ZNF121: variants seen among roughly 807,000 people sequenced by gnomAD.
The protein encoded by ZNF121 is zinc finger protein 121 (clone ZHC32).
Under a neutral mutation model 2.4 loss-of-function variants are expected in ZNF121, and 1 was observed. The ratio of observed to expected loss-of-function variants is 0.41; its 90% CI spans 0.15 to 1.94. ZNF121 has a LOEUF of 1.94. Ranked by LOEUF, ZNF121 falls within the 30% of genes most tolerant of loss-of-function variation. The pLI is 0.30. For synonymous variants in ZNF121, 173 were observed against 158.6 expected (o/e 1.09, Z -0.68); for missense variants, 369 against 466.3 (o/e 0.79, Z 1.92).
At chr19:9,583,277 G>C (rs1285802776) in intron 1 of ZNF121, among the ~76,000 whole-genome samples, 4 of 151,492 alleles carry the variant, frequency 2.6e-5, no homozygotes, top group Non-Finnish European at 5.9e-5. Flanking sequence ...AGCTCTGTGG[G>C]GGGGTACAGA....
chr19:9,579,483 G>A lies in ZNF121; in HGVS notation c.-160+4978C>T, dbSNP rs544395118. Among the ~76,000 whole-genome samples, 14 of 152,280 alleles carry A rather than the reference G, an allele frequency of 9.2e-5. No homozygotes were observed. In the South Asian group the frequency reaches 1.7e-3, roughly 18 times the overall value. On this transcript the variant is annotated intron_variant, in intron 1 of 3. Transcript: ENST00000320451. ...GTGAATCACTTGAGGTCAGGAGTTC[G>A]AGACCAGCCTGGCCAACATGGCGAA...
chr19:9,565,027 T>C lies in ZNF121; in HGVS notation c.*913A>G, dbSNP rs2074120229. 6.6e-6 allele frequency: 1 copy of C among 152,146 alleles called. No homozygotes were observed. The highest frequency in any genetic ancestry group is 1.5e-5 in the Non-Finnish European group (1 of 68,036). The allele number at this position is 152,146 out of a possible 1,614,324, so 9.4% of individuals were successfully genotyped here. A position where few individuals can be genotyped will look rare whatever the true frequency, so the allele number is the denominator to read the frequency against. On this transcript the variant is annotated 3_prime_UTR_variant, in exon 4 of 4. Coordinates refer to ENST00000320451, the MANE Select transcript of ZNF121 (RefSeq NM_001008727.5). ...GTACTTTACTTAGACATAACACAAC[T>C]GCACACAAGAGACTACCATATGATG...
chr19:9,565,864 G>A lies in ZNF121; in HGVS notation c.*76C>T. On this transcript the variant is annotated 3_prime_UTR_variant, in exon 4 of 4. Coordinates refer to ENST00000320451, the MANE Select transcript of ZNF121 (RefSeq NM_001008727.5). ...TGTACCAATAAAATTTCTCTTCAGTGTGAATTCAAATGTGGTAATTATGGT... is the reference window on the plus strand; with the variant it reads ...TGTACCAATAAAATTTCTCTTCAGTATGAATTCAAATGTGGTAATTATGGT... The A allele has an allele frequency of 1.7e-6, 2 of 1,193,966 alleles. No individual in the cohort carries two copies. The highest frequency in any genetic ancestry group is 2.3e-6 in the Non-Finnish European group (2 of 869,262). 74.0% of individuals were successfully genotyped at this position (1,193,966 alleles called of 1,614,324 possible). A position where few individuals can be genotyped will look rare whatever the true frequency, so the allele number is the denominator to read the frequency against.
At position 9,565,866 on chromosome 19, in the gene ZNF121, G is replaced by C; in HGVS notation, c.*74C>G. ...TACCAATAAAATTTCTCTTCAGTGT[G>C]AATTCAAATGTGGTAATTATGGTAT... On this transcript the variant is annotated 3_prime_UTR_variant, in exon 4 of 4. Coordinates refer to ENST00000320451, the MANE Select transcript of ZNF121 (RefSeq NM_001008727.5). The C allele has an allele frequency of 8.3e-7, 1 of 1,210,114 alleles. No individual in the cohort carries two copies. 75.0% of individuals were successfully genotyped at this position (1,210,114 alleles called of 1,614,324 possible).
chr19:9,575,349 G>A (rs1352903024), intron 1 of ZNF121, among the ~76,000 whole-genome samples: 2 of 152,168 alleles, frequency 1.3e-5, no homozygotes, highest in East Asian at 3.8e-4. Context: ...CTTGAACCCA[G>A]GAAGCGGAGG....
rs939852421 is a variant in ZNF121, at chr19:9,564,319, T to C, written c.*1621A>G. 6.6e-6 allele frequency: 1 copy of C among 152,140 alleles called. No individual in the cohort carries two copies. Among genetic ancestry groups the C allele is most frequent in the African/African-American group, 2.4e-5 (1 of 41,434 alleles). The allele number at this position is 152,140 out of a possible 1,614,324, so 9.4% of individuals were successfully genotyped here. On this transcript the variant is annotated 3_prime_UTR_variant, in exon 4 of 4. Transcript: ENST00000320451. ...AGTTCAAGGCTACAGTGTGCTCTCA[T>C]CGTGCTGGTGAATACCCACTTGTAC...
At chr19:9,578,689 C>G (rs2074228393) in intron 1 of ZNF121, among the ~76,000 whole-genome samples, 1 of 151,992 alleles carries the variant, frequency 6.6e-6, no homozygotes, top group Non-Finnish European at 1.5e-5. Flanking sequence ...TAAACAAAAT[C>G]AAAACAGATT....
chr19:9,580,838 G>A (rs1245487441), intron 1 of ZNF121, among the ~76,000 whole-genome samples: 1 of 152,222 alleles, frequency 6.6e-6, no homozygotes, highest in Admixed American at 6.5e-5. Flanking sequence ...ATGCCCTCTT[G>A]TGCAGATTAA....
chr19:9,575,250 T>C (rs887936589), intron 1 of ZNF121, among the ~76,000 whole-genome samples: 1 of 151,654 alleles, frequency 6.6e-6, no homozygotes, highest in African/African-American at 2.4e-5. Flanking sequence ...TGAAACCCAG[T>C]CTCTACTAAA....
rs546080973 is a variant in ZNF121, at chr19:9,577,024, T to C, written c.-160+7437A>G. The stretch of plus-strand genomic sequence containing the variant: ...TTCACTGCTAAATCCTACCAAAAAC[T>C]GAAAGAATAACAATACAACTCGAAT... On this transcript the variant is annotated intron_variant, in intron 1 of 3. Transcript: ENST00000320451. 7.9e-5 allele frequency among the ~76,000 whole-genome samples: 12 copies of C among 152,104 alleles called. No individual in the cohort carries two copies. In the South Asian group the frequency reaches 2.5e-3, roughly 32 times the overall value.
chr19:9,573,839 T>C (rs1208337812), intron 1 of ZNF121, among the ~76,000 whole-genome samples: 1 of 151,600 alleles, frequency 6.6e-6, no homozygotes, highest in Non-Finnish European at 1.5e-5. Context: ...CAGAAGGGAG[T>C]AGGATGACAT....
chr19:9,570,809 G>A (rs1333974751), intron 1 of ZNF121, among the ~76,000 whole-genome samples: 1 of 152,062 alleles, frequency 6.6e-6, no homozygotes, highest in Non-Finnish European at 1.5e-5. Flanking sequence ...TAGAACTCCT[G>A]GCCTCAGGTG....
rs1484761774 is a variant in ZNF121, at chr19:9,565,946, T to C, written c.1167A>G (p.Thr389=). ...TTACATTCAGAGTTTTTCTTCAGTGTGTTTTTAAATGTTTAGTAAGTAAAT... is the reference window on the plus strand; with the variant it reads ...TTACATTCAGAGTTTTTCTTCAGTGCGTTTTTAAATGTTTAGTAAGTAAAT... The part of the protein sequence containing the change: ...RFYLLTKHLK[T]H Residue 389 remains threonine, a synonymous_variant, in exon 4 of 4, where the codon ACA becomes ACG. Transcript: ENST00000320451. The C allele has an allele frequency of 6.5e-7, 1 of 1,548,118 alleles. No individual in the cohort carries two copies. Among genetic ancestry groups the C allele is most frequent in the Non-Finnish European group, 8.7e-7 (1 of 1,146,944 alleles).
intron 1 of ZNF121, among the ~76,000 whole-genome samples, chr19:9,578,858 T>C (rs890294501): frequency 1.3e-4 from 20 of 151,230 alleles, no homozygotes; most frequent in Middle Eastern, 3.4e-3. Context: ...ACTAAAAACT[T>C]CTCCACAGCA....
At chr19:9,567,216 T>A (rs68092239) in intron 3 of ZNF121, 107 bp from the exon 4 acceptor site, 118,033 of 991,992 alleles carry the variant, frequency 0.12, 9,775 homozygotes, top group African/African-American at 0.39. Flanking sequence ...TTTGCCATTT[T>A]CATTACATGC....
chr19:9,569,475 C>T (rs983578878), intron 1 of ZNF121, among the ~76,000 whole-genome samples: 4 of 151,624 alleles, frequency 2.6e-5, no homozygotes, highest in African/African-American at 7.3e-5. Flanking sequence ...ACCATTAAAA[C>T]GTGTATTCAA....
At chr19:9,581,345 A>C (rs1304130332) in intron 1 of ZNF121, among the ~76,000 whole-genome samples, 1 of 151,574 alleles carries the variant, frequency 6.6e-6, no homozygotes, top group Non-Finnish European at 1.5e-5. Flanking sequence ...CAGGTCGTAC[A>C]ATCTAAACTA....
At chr19:9,582,522 C>T (rs536074495) in intron 1 of ZNF121, among the ~76,000 whole-genome samples, 1 of 152,128 alleles carries the variant, frequency 6.6e-6, no homozygotes, top group South Asian at 2.1e-4. Flanking sequence ...TAAAACTGCC[C>T]GACCCCTATC....
intron 1 of ZNF121, among the ~76,000 whole-genome samples, chr19:9,577,345 G>A (rs2074218012): frequency 6.6e-6 from 1 of 152,106 alleles, no homozygotes. Flanking sequence ...TGCTACTAAG[G>A]AGGCTGAGGC....
Sources: allele counts gnomAD v4.1 joint callset (sites outside exome capture counted in the v4.1 genomes callset), GRCh38; gene constraint gnomAD v4.1.1; transcripts MANE v1.5; gene names NCBI Gene and HGNC (gene_info 2026-07-23, HGNC 2026-07-21).